Variants in MYCBP2 observed in about 807,000 individuals in gnomAD.
MYCBP2 encodes the protein MYC binding protein 2.
MYCBP2 carries 120 observed loss-of-function variants against 525.3 expected under a neutral mutation model. The observed-to-expected ratio is 0.23, with a 90% CI of 0.20 to 0.27. MYCBP2 has a LOEUF of 0.27. MYCBP2 is among the 10% of genes least tolerant of loss of function. The pLI is 1.00. For missense variants in MYCBP2, 4,149 were observed against 5,657.1 expected (o/e 0.73, Z 8.55); for synonymous variants, 1,894 against 1,955.8 (o/e 0.97, Z 0.83).
intron 31 of MYCBP2, 30 bp downstream of exon 31, chr13:77,185,841 C>A: frequency 6.8e-7 from 1 of 1,475,448 alleles, no homozygotes; most frequent in South Asian, 1.4e-5. Flanking sequence ...TATTTTCTCC[C>A]TATAGTCATT....
intron 55 of MYCBP2, among the ~76,000 whole-genome samples, chr13:77,108,410 A>G (rs2048197863): frequency 6.6e-6 from 1 of 152,206 alleles, no homozygotes; most frequent in African/African-American, 2.4e-5. Context: ...TAGAAAGAAT[A>G]ACTTCAAAAT....
intron 5 of MYCBP2, chr13:77,272,184 C>T (rs1261114445): frequency 6.6e-6 from 1 of 152,206 alleles, no homozygotes; most frequent in African/African-American, 2.4e-5. Context: ...CTATACTAAA[C>T]TTCTTTCAGC....
intron 63 of MYCBP2, 47 bp from the exon 64 acceptor site, chr13:77,082,040 G>A (rs746449254): frequency 3.2e-6 from 5 of 1,562,314 alleles, no homozygotes; most frequent in Non-Finnish European, 3.5e-6. Flanking sequence ...TATTTTCCAG[G>A]AACATCTAAG....
intron 15 of MYCBP2, among the ~76,000 whole-genome samples, chr13:77,244,933 CA>C (rs1382923950): frequency 1.3e-5 from 2 of 152,122 alleles, no homozygotes; most frequent in African/African-American, 4.8e-5. Flanking sequence ...ACCACCCCAT[CA>C]AAAAGTGGGC....
At chr13:77,195,428 C>T (rs1220311632) in intron 26 of MYCBP2, among the ~76,000 whole-genome samples, 1 of 152,114 alleles carries the variant, frequency 6.6e-6, no homozygotes, top group African/African-American at 2.4e-5. Context: ...GAAACCCCGT[C>T]TCTACTAAAA....
chr13:77,088,630 G>A (rs1353812906), intron 61 of MYCBP2, among the ~76,000 whole-genome samples: 4 of 151,822 alleles, frequency 2.6e-5, no homozygotes, highest in Admixed American at 1.3e-4. Context: ...ATTTCTTTAG[G>A]GTGCTTAAAT....
At chr13:77,233,739 C>T (rs2067462702) in intron 17 of MYCBP2, among the ~76,000 whole-genome samples, 1 of 151,708 alleles carries the variant, frequency 6.6e-6, no homozygotes, top group Non-Finnish European at 1.5e-5. Context: ...AATCTTGCTA[C>T]AAAACCAAAA....
chr13:77,152,033 G>C (rs2056532775), intron 46 of MYCBP2, among the ~76,000 whole-genome samples: 1 of 152,162 alleles, frequency 6.6e-6, no homozygotes, highest in Non-Finnish European at 1.5e-5. Flanking sequence ...CACAGAAATA[G>C]AAAAAGTGCA....
At chr13:77,073,770 A>G (rs1019849064) in intron 68 of MYCBP2, among the ~76,000 whole-genome samples, 1 of 152,202 alleles carries the variant, frequency 6.6e-6, no homozygotes, top group African/African-American at 2.4e-5. Flanking sequence ...AATAAAAAAT[A>G]CCATTTACAA....
chr13:77,069,730 T>TGGTGGCAG (rs1210283409), intron 69 of MYCBP2, among the ~76,000 whole-genome samples: 2 of 140,406 alleles, frequency 1.4e-5, no homozygotes, highest in African/African-American at 5.4e-5. Flanking sequence ...TAGCCAGCCG[T>TGGTGGCAG]GGTGGCAGGC....
chr13:77,144,684 A>G lies in MYCBP2; in HGVS notation c.7188-124T>C. The G allele has an allele frequency of 8.6e-6, 6 of 700,438 alleles. 1 individual carries two copies. The highest frequency in any genetic ancestry group is 8.3e-5 in the South Asian group (5 of 60,152). The allele number at this position is 700,438 out of a possible 1,614,324, so 43.4% of individuals were successfully genotyped here. A position where few individuals can be genotyped will look rare whatever the true frequency, so the allele number is the denominator to read the frequency against. On this transcript the variant is annotated intron_variant, in intron 48 of 82. Coordinates refer to ENST00000544440, the MANE Select transcript of MYCBP2 (RefSeq NM_015057.5). The stretch of plus-strand genomic sequence containing the variant: ...CCTGGCAATCCTACCACCCTGCCAT[A>G]GTACGCTTGCCTACTCTCCAAAATG...
At chr13:77,230,101 T>C (rs1266624013) in intron 18 of MYCBP2, among the ~76,000 whole-genome samples, 1 of 152,214 alleles carries the variant, frequency 6.6e-6, no homozygotes, top group Non-Finnish European at 1.5e-5. Flanking sequence ...CTATATACTC[T>C]GCTTTGCCTT....
intron 3 of MYCBP2, among the ~76,000 whole-genome samples, chr13:77,284,232 T>C (rs554705484): frequency 6.6e-6 from 1 of 150,384 alleles, no homozygotes; most frequent in African/African-American, 2.4e-5. Flanking sequence ...CTTAATCATG[T>C]TAAGGAAAAA....
At chr13:77,256,414 C>A (rs1001853630) in intron 14 of MYCBP2, among the ~76,000 whole-genome samples, 3 of 152,002 alleles carry the variant, frequency 2.0e-5, no homozygotes, top group Non-Finnish European at 4.4e-5. Context: ...TAAGCCAGCA[C>A]ATTTGCTCAA....
rs770777800 is a variant in MYCBP2 at position 77,076,854 on chromosome 13, TGAA to T, written c.11725-8_11725-6del. The T allele has an allele frequency of 6.3e-7, 1 of 1,597,546 alleles. No individual in the cohort carries two copies. Among genetic ancestry groups the T allele is most frequent in the Non-Finnish European group, 8.6e-7 (1 of 1,166,408 alleles). On this transcript the variant is annotated splice_polypyrimidine_tract_variant and splice_region_variant and intron_variant, in intron 67 of 82. Transcript: ENST00000544440. ...AGAGATGAGCTTTCCAAATACCTGA[TGAA>T]GATATGCATGTGAGAAGGAATTAAT... is the stretch of plus-strand genomic sequence containing the variant.
chr13:77,087,873 C>T, intron 61 of MYCBP2: 1 of 306,166 alleles, frequency 3.3e-6, no homozygotes, highest in Non-Finnish European at 6.0e-6. Context: ...CTCAAGCACC[C>T]AGGCACAAAT....
At chr13:77,216,943 T>TACAC (rs2064904571) in intron 21 of MYCBP2, among the ~76,000 whole-genome samples, 1 of 152,094 alleles carries the variant, frequency 6.6e-6, no homozygotes, top group African/African-American at 2.4e-5. Context: ...TATACATACG[T>TACAC]ACACACACAC....
chr13:77,143,136 A>G (rs1043819091), intron 49 of MYCBP2, among the ~76,000 whole-genome samples: 1 of 152,204 alleles, frequency 6.6e-6, no homozygotes, highest in African/African-American at 2.4e-5. Context: ...CAAAAGAAAT[A>G]TGTTTTTCAA....
chr13:77,050,603 T>C (rs1415528415), intron 82 of MYCBP2, among the ~76,000 whole-genome samples: 5 of 152,120 alleles, frequency 3.3e-5, no homozygotes, highest in African/African-American at 9.7e-5. Flanking sequence ...CCAGCCATTC[T>C]AGATTAAATC....
Sources: allele counts gnomAD v4.1 joint callset (sites outside exome capture counted in the v4.1 genomes callset), GRCh38; gene constraint gnomAD v4.1.1; transcripts MANE v1.5; gene names NCBI Gene and HGNC (gene_info 2026-07-23, HGNC 2026-07-21).